The following COL6A3 variants were observed in gnomAD, a reference collection of about 807,000 sequenced individuals.
COL6A3 encodes the protein collagen alpha-3(VI) chain.
A neutral mutation model predicts 274.1 loss-of-function variants in COL6A3; 137 were observed. The ratio of observed to expected loss-of-function variants is 0.50; its 90% CI spans 0.44 to 0.58. The LOEUF (loss-of-function observed/expected upper bound fraction) is 0.58, where lower values mean the gene tolerates loss of function less well. Among genes scored for constraint, COL6A3 ranks in the 20% least tolerant of loss-of-function variants. The pLI, the probability that COL6A3 is intolerant of heterozygous loss-of-function variation, is 0.00. For synonymous variants in COL6A3, 1,650 were observed against 1,650.6 expected (o/e 1.00, Z 0.01); for missense variants, 3,950 against 4,124.9 (o/e 0.96, Z 1.16).
At chr2:237,394,467 G>T in intron 3 of COL6A3, 120 bp downstream of exon 3, 1 of 1,265,554 alleles carries the variant, frequency 7.9e-7, no homozygotes, top group Non-Finnish European at 1.1e-6. Flanking sequence ...TTAAACCTGT[G>T]AACACTCATC....
intron 42 of COL6A3, among the ~76,000 whole-genome samples, chr2:237,331,916 G>T (rs1172926656): frequency 1.3e-5 from 2 of 149,614 alleles, no homozygotes; most frequent in African/African-American, 2.5e-5. Context: ...TCAACTACTT[G>T]CAGCCTTGAA....
At chr2:237,402,481 A>G (rs2106398654) in intron 1 of COL6A3, among the ~76,000 whole-genome samples, 2 of 152,318 alleles carry the variant, frequency 1.3e-5, no homozygotes, top group Middle Eastern at 6.8e-3. Context: ...CATCAATTTA[A>G]CAGGAATGAT....
At chr2:237,405,528 G>A (rs1056946495) in intron 1 of COL6A3, among the ~76,000 whole-genome samples, 1 of 152,102 alleles carries the variant, frequency 6.6e-6, no homozygotes, top group Non-Finnish European at 1.5e-5. Context: ...GGAGAGAGGA[G>A]AGTGCTGGTA....
chr2:237,342,232 A>T, intron 36 of COL6A3, 71 bp from the exon 37 acceptor site: 2 of 1,148,950 alleles, frequency 1.7e-6, no homozygotes, highest in Non-Finnish European at 2.6e-6. Context: ...ATGGCAGAGG[A>T]GTAAATCAAA....
Position 237,376,870 on chromosome 2 carries a change from G to A in COL6A3, c.2972C>T (p.Ala991Val), listed in dbSNP as rs202185764. The change falls in exon 7 of 44, where the codon GCG becomes GTG. Residue 991 changes from alanine (A) to valine (V), a missense_variant. Physicochemically the swap from Ala to Val is moderately conservative, Grantham distance 64. This residue lies in a region of COL6A3 where 1,934 missense variants were observed against 1,984.3 expected (regional missense o/e 0.97). Coordinates refer to ENST00000295550, the MANE Select transcript of COL6A3 (RefSeq NM_004369.4). ...AELEQIVLSP[A>V]FILAAESLPK... ...AAGCGACTCTGCAGCCAGGATAAAC[G>A]CTGGAGACAGCACGATCTGCTCTAA... 1.3e-4 allele frequency: 215 copies of A among 1,614,068 alleles called. 1 individual carries two copies. The highest frequency in any genetic ancestry group is 1.2e-3 in the Middle Eastern group (7 of 6,084).
intron 4 of COL6A3, among the ~76,000 whole-genome samples, chr2:237,385,291 T>C (rs2078116953): frequency 1.3e-5 from 2 of 152,252 alleles, no homozygotes; most frequent in Admixed American, 1.3e-4. Context: ...ACATGCCAGA[T>C]AGTCAAGGAT....
In COL6A3 at chr2:237,363,101, G is replaced by T. The variant is rs1484428472; in HGVS notation, c.6063+152C>A. The T allele has an allele frequency of 6.1e-6, 5 of 820,904 alleles. No individual in the cohort carries two copies. In the Admixed American group the frequency reaches 7.8e-5, roughly 13 times the overall value. The allele number at this position is 820,904 out of a possible 1,614,324, so 50.9% of individuals were successfully genotyped here. A position where few individuals can be genotyped will look rare whatever the true frequency, so the allele number is the denominator to read the frequency against. On this transcript the variant is annotated intron_variant, in intron 14 of 43. Transcript: ENST00000295550. ...GATTCACATGTGTTATGGCAACAAG[G>T]CAGTTCCCAAGTGAATTAAATAAAT...
In COL6A3 at chr2:237,344,762, C is replaced by G. The variant is rs1339553173; in HGVS notation, c.7256G>C (p.Gly2419Ala). 3 of 1,601,650 alleles carry G rather than the reference C, an allele frequency of 1.9e-6. No homozygotes were observed. The Admixed American group carries it at 5.1e-5, about 27-fold the overall frequency. ...ACTCAAGACCACATCTCGCATCCGG[C>G]CGAAAGTGTCTTGGTTGACTCCCTC... ...TSEGVNQDTF[G>A]RMRDVVLSIV... Residue 2419 changes from glycine to alanine, a missense_variant, in exon 36 of 44, where the codon GGC becomes GCC. Transcript: ENST00000295550. This position sits in a 1 kb window ranked among gnomAD's most constrained non-coding sequence, Gnocchi z 4.8.
chr2:237,377,871 C>T (rs1003189369), intron 6 of COL6A3, among the ~76,000 whole-genome samples: 1 of 152,186 alleles, frequency 6.6e-6, no homozygotes, highest in African/African-American at 2.4e-5. Flanking sequence ...CACAATAGTG[C>T]CCATTACTGC....
At chr2:237,352,316 G>C (rs2077223748) in intron 26 of COL6A3, among the ~76,000 whole-genome samples, 1 of 152,158 alleles carries the variant, frequency 6.6e-6, no homozygotes. Context: ...GGCCCATGGA[G>C]CACCAAAAAA....
intron 25 of COL6A3, 37 bp from the exon 26 acceptor site, chr2:237,352,621 G>A: frequency 1.9e-6 from 3 of 1,592,890 alleles, no homozygotes; most frequent in Middle Eastern, 1.7e-4. Flanking sequence ...TGCTAATGAG[G>A]TGACTTTCCA....
rs1303486735 is a variant in COL6A3, at chr2:237,340,835, G to A, written c.8081C>T (p.Ser2694Phe). The stretch of plus-strand genomic sequence containing the variant: ...GAGGAAGTCCACCAGCTTCTCCTTG[G>A]AGCCATAGTCAGTCAGGGAGAATTC... Reference protein sequence around the residue: ...KVEFSLTDYGSKEKLVDFLSR... With the variant: ...KVEFSLTDYGFKEKLVDFLSR... The change falls in exon 38 of 44, where the codon TCC becomes TTC. Residue 2694 changes from serine (S) to phenylalanine (F), a missense_variant. Physicochemically the swap from Ser to Phe is radical, Grantham distance 155 (BLOSUM62 -2). Coordinates refer to ENST00000295550, the MANE Select transcript of COL6A3 (RefSeq NM_004369.4). 6.2e-7 allele frequency: 1 copy of A among 1,614,116 alleles called. No homozygotes were observed. The highest frequency in any genetic ancestry group is 1.7e-5 in the Admixed American group (1 of 60,018).
chr2:237,410,081 A>C (rs2106408115), intron 1 of COL6A3, among the ~76,000 whole-genome samples: 1 of 152,274 alleles, frequency 6.6e-6, no homozygotes, highest in Non-Finnish European at 1.5e-5. Context: ...AATGACAATC[A>C]TGTATTGAAA....
rs1212568030 is a variant in COL6A3, at chr2:237,378,979, G to C, written c.2154C>G (p.Asn718Lys). 6.2e-7 allele frequency: 1 copy of C among 1,614,214 alleles called. No homozygotes were observed. Among genetic ancestry groups the C allele is most frequent in the Non-Finnish European group, 8.5e-7 (1 of 1,180,038 alleles). ...AGACATAGCTTAGGGCTGAGCCTGTGTTCAGGCCCGAACCTCCCTGGAGCT... is the reference window on the plus strand; with the variant it reads ...AGACATAGCTTAGGGCTGAGCCTGTCTTCAGGCCCGAACCTCCCTGGAGCT... Reference protein sequence around the residue: ...QLQLQGGSGLNTGSALSYVYA... With the variant: ...QLQLQGGSGLKTGSALSYVYA... The change falls in exon 6 of 44, where the codon AAC becomes AAG. Residue 718 changes from asparagine to lysine, a missense_variant. Asn to Lys is a moderately conservative substitution (Grantham distance 94). Transcript: ENST00000295550.
At chr2:237,408,461 C>T (rs1437074396) in intron 1 of COL6A3, among the ~76,000 whole-genome samples, 2 of 152,176 alleles carry the variant, frequency 1.3e-5, no homozygotes, top group Non-Finnish European at 2.9e-5. Context: ...GCTGAGTTGG[C>T]GCTAACTCTG....
intron 41 of COL6A3, 114 bp from the exon 42 acceptor site, chr2:237,333,662 T>C (rs545502286): frequency 2.5e-5 from 22 of 889,486 alleles, no homozygotes; most frequent in South Asian, 4.3e-5. Flanking sequence ...TGTTGGGGAG[T>C]GGTGATTGAA....
At position 237,345,143 on chromosome 2, in the gene COL6A3, A is replaced by T. The variant is rs775407471; in HGVS notation, c.7125+38T>A. On this transcript the variant is annotated intron_variant, in intron 33 of 43. Transcript: ENST00000295550. ...TGTAAAGAGAGCAAATCAAAGGCTC[A>T]TGAGGTTAATGAGTCATTCTGGACA... 9.3e-6 allele frequency: 15 copies of T among 1,614,190 alleles called. 1 individual carries two copies. In the South Asian group the frequency reaches 1.5e-4, roughly 17 times the overall value.
In COL6A3 at chr2:237,325,566, C is replaced by T. The variant is rs553486570; in HGVS notation, c.9487G>A (p.Ala3163Thr). Residue 3163 changes from alanine to threonine, a missense_variant, in exon 43 of 44, where the codon GCT becomes ACT. By Grantham distance (58) the Ala-to-Thr change is moderately conservative (BLOSUM62 0). Around this residue, in one of 5 missense-constraint regions of COL6A3, gnomAD observed 1,284 missense variants for 1,349.7 expected, o/e 0.95. Coordinates refer to ENST00000295550, the MANE Select transcript of COL6A3 (RefSeq NM_004369.4). Reference protein sequence around the residue: ...GSQKECEKVCAPVLAKPGVIS... With the variant: ...GSQKECEKVCTPVLAKPGVIS... The stretch of plus-strand genomic sequence containing the variant: ...ACAAGGAAGAATCACTTACCAGGAG[C>T]GCAAACCTTTTCACATTCTTTCTGT... 11 of 1,614,120 alleles carry T rather than the reference C, an allele frequency of 6.8e-6. No homozygotes were observed. The Admixed American group carries it at 1.0e-4, about 15-fold the overall frequency.
Position 237,381,027 on chromosome 2 carries a change from G to A in COL6A3, c.1785C>T (p.Ile595=), listed in dbSNP as rs114278376. ...KGADQAELEE[I]AFDSSLVFIP... is the part of the protein sequence containing the mutation. ...TGAACACCAGGGAGGAGTCGAAAGC[G>A]ATCTCTTCCAGCTCAGCCTGATCGG... The change falls in exon 5 of 44, where the codon ATC becomes ATT. Residue 595 remains isoleucine, a synonymous_variant. Coordinates refer to ENST00000295550, the MANE Select transcript of COL6A3 (RefSeq NM_004369.4). The A allele has an allele frequency of 1.2e-5, 19 of 1,614,090 alleles. No individual in the cohort carries two copies. Among genetic ancestry groups the A allele is most frequent in the East Asian group, 6.7e-5 (3 of 44,894 alleles).
Sources: gnomAD v4.1 joint callset for allele counts (sites outside exome capture counted in the v4.1 genomes callset) on GRCh38, gnomAD v4.1.1 for gene constraint, gnomAD v4.1.1 regional missense constraint, Gnocchi (gnomAD v3.1) non-coding constraint, MANE v1.5 for transcripts, NCBI Gene and HGNC (gene_info 2026-07-23, HGNC 2026-07-21) for gene names.